LANCL1: variants seen among roughly 807,000 people sequenced by gnomAD.
The protein encoded by LANCL1 is glutathione S-transferase LANCL1.
A neutral mutation model predicts 50.6 loss-of-function variants in LANCL1; 50 were observed. That is an observed-to-expected ratio of 0.99 (90% CI 0.79 to 1.25). The LOEUF is 1.25. Ranked by LOEUF, LANCL1 falls within the 50% of genes most tolerant of loss-of-function variation. LANCL1 has a pLI of 0.00. For missense variants in LANCL1, 532 were observed against 480.7 expected, an observed-to-expected ratio of 1.11 and a Z score of -1.00; for synonymous variants, 188 against 178.6, an observed-to-expected ratio of 1.05 and a Z score of -0.42.
At chr2:210,462,990 A>T (rs1693913660) in intron 3 of LANCL1, among the ~76,000 whole-genome samples, 3 of 152,210 alleles carry the variant, frequency 2.0e-5, no homozygotes, top group Non-Finnish European at 2.9e-5. Context: ...TCACTTATAA[A>T]GTGTACAGAA....
intron 4 of LANCL1, among the ~76,000 whole-genome samples, chr2:210,451,758 T>C (rs1344231689): frequency 1.3e-5 from 2 of 152,032 alleles, no homozygotes; most frequent in Non-Finnish European, 2.9e-5. Context: ...CAGGCTTCCT[T>C]CTCCAGAACC....
rs182952711 is a variant in LANCL1 at position 210,442,859 on chromosome 2, C to T, written c.408-1416G>A. 4.8e-4 allele frequency among the ~76,000 whole-genome samples: 73 copies of T among 152,300 alleles called. No homozygotes were observed. In the South Asian group the frequency reaches 6.4e-3, roughly 13 times the overall value. On this transcript the variant is annotated intron_variant, in intron 4 of 9. Coordinates refer to ENST00000450366, the MANE Select transcript of LANCL1 (RefSeq NM_006055.3). ...TAATATCAGAGAGAATGGGTTAACC[C>T]TCCATTTTTCTTTATTTTCCTTTTC... is the stretch of plus-strand genomic sequence containing the variant.
At chr2:210,471,696 T>C in intron 3 of LANCL1, 1 of 656,518 alleles carries the variant, frequency 1.5e-6, no homozygotes, top group Admixed American at 2.0e-5. Context: ...TCAATTTTTC[T>C]CCTCACAAGT....
intron 3 of LANCL1, among the ~76,000 whole-genome samples, chr2:210,463,250 G>A (rs1321773979): frequency 6.6e-6 from 1 of 151,386 alleles, no homozygotes; most frequent in Non-Finnish European, 1.5e-5. Flanking sequence ...TCCCTTTGTT[G>A]CTCAGGCTGG....
Position 210,432,390 on chromosome 2 carries a change from G to C in LANCL1, c.*2097C>G, listed in dbSNP as rs1692775004. The C allele has an allele frequency of 2.6e-5, 4 of 152,250 alleles. No homozygotes were observed. The South Asian group carries it at 8.3e-4, about 32-fold the overall frequency. 9.4% of individuals were successfully genotyped at this position (152,250 alleles called of 1,614,324 possible). On this transcript the variant is annotated 3_prime_UTR_variant, in exon 10 of 10. Coordinates refer to ENST00000450366, the MANE Select transcript of LANCL1 (RefSeq NM_006055.3). ...TTTATGCTGGGGGTTGCAATTTTTT[G>C]TGTGAAAAATCAGACCTTGGCAATG...
rs1415590429 is a variant in LANCL1 at position 210,433,465 on chromosome 2, A to G, written c.*1022T>C. The G allele has an allele frequency of 6.6e-6, 1 of 152,088 alleles. No homozygotes were observed. Among genetic ancestry groups the G allele is most frequent in the African/African-American group, 2.4e-5 (1 of 41,320 alleles). The allele number at this position is 152,088 out of a possible 1,614,324, so 9.4% of individuals were successfully genotyped here. A position where few individuals can be genotyped will look rare whatever the true frequency, so the allele number is the denominator to read the frequency against. ...CCTTTCTCATCTCCCCTTTTTAAACAGAAGTAGAATACTGTACAATTTAGT... is the reference window on the plus strand; with the variant it reads ...CCTTTCTCATCTCCCCTTTTTAAACGGAAGTAGAATACTGTACAATTTAGT... On this transcript the variant is annotated 3_prime_UTR_variant, in exon 10 of 10. Transcript: ENST00000450366.
intron 6 of LANCL1, among the ~76,000 whole-genome samples, chr2:210,439,066 A>G (rs1341092606): frequency 6.6e-6 from 1 of 152,202 alleles, no homozygotes; most frequent in Non-Finnish European, 1.5e-5. Context: ...CATTTCATAC[A>G]AAGAATAGCA....
At chr2:210,441,908 AT>A (rs35332921) in intron 4 of LANCL1, among the ~76,000 whole-genome samples, 36,773 of 142,936 alleles carry the variant, frequency 0.26, 6,151 homozygotes, top group East Asian at 0.58. Context: ...ATACATGTAC[AT>A]TTTTTTTTTT....
At chr2:210,437,108 A>G (rs907583939) in intron 7 of LANCL1, among the ~76,000 whole-genome samples, 3 of 152,178 alleles carry the variant, frequency 2.0e-5, no homozygotes, top group Admixed American at 6.5e-5. Flanking sequence ...TCAACTAAAA[A>G]TCTGCGTTGA....
At chr2:210,462,949 C>T (rs538720238) in intron 3 of LANCL1, among the ~76,000 whole-genome samples, 34 of 152,166 alleles carry the variant, frequency 2.2e-4, no homozygotes, top group Non-Finnish European at 3.8e-4. Flanking sequence ...GTTCAAACTA[C>T]TCCATCTTAT....
chr2:210,453,155 T>G (rs3755185), intron 4 of LANCL1, among the ~76,000 whole-genome samples: 20,308 of 152,164 alleles, frequency 0.13, 1,718 homozygotes, highest in African/African-American at 0.22. Flanking sequence ...ATTTTTAACC[T>G]TAACAAGCCT....
In LANCL1 at chr2:210,476,320, C is replaced by T. The variant is rs1343090756; in HGVS notation, c.77G>A (p.Gly26Glu). ...SLAEGYFDAA[G>E]RLTPEFSQRL... Reference sequence around the variant, plus strand: ...GCAGACATATCCTAAACTCACCCTCCCGGCAGCATCAAAGTAGCCTTCGGC... The same window carrying T: ...GCAGACATATCCTAAACTCACCCTCTCGGCAGCATCAAAGTAGCCTTCGGC... Residue 26 changes from glycine (G) to glutamate (E), a missense_variant, in exon 2 of 10, where the codon GGG (glycine) becomes GAG (glutamate). Physicochemically the swap from Gly to Glu is moderately conservative, Grantham distance 98 (BLOSUM62 -2). Transcript: ENST00000450366. The T allele has an allele frequency of 6.2e-7, 1 of 1,612,876 alleles. No homozygotes were observed. Among genetic ancestry groups the T allele is most frequent in the Admixed American group, 1.7e-5 (1 of 60,020 alleles).
At chr2:210,443,257 A>AG (rs1186640535) in intron 4 of LANCL1, among the ~76,000 whole-genome samples, 2 of 151,924 alleles carry the variant, frequency 1.3e-5, no homozygotes, top group Non-Finnish European at 2.9e-5. Flanking sequence ...TTTTGGGGGG[A>AG]GGGGAGTGGG....
intron 3 of LANCL1, among the ~76,000 whole-genome samples, chr2:210,462,212 T>TA (rs1404957117): frequency 6.6e-6 from 1 of 152,220 alleles, no homozygotes; most frequent in East Asian, 1.9e-4. Flanking sequence ...CCAGGCTTGC[T>TA]ATTTTTCTGT....
chr2:210,446,385 C>T (rs1222528645), intron 4 of LANCL1, among the ~76,000 whole-genome samples: 2 of 152,052 alleles, frequency 1.3e-5, no homozygotes, highest in African/African-American at 4.8e-5. Flanking sequence ...TAGATAAATC[C>T]ACGAAGATGG....
chr2:210,472,180 T>C (rs1269467220), intron 2 of LANCL1, 104 bp from the exon 3 acceptor site: 2 of 745,646 alleles, frequency 2.7e-6, no homozygotes, highest in East Asian at 2.5e-5. Flanking sequence ...ACTTAGGACA[T>C]ATTTTTCCAC....
chr2:210,444,359 G>A (rs889016223), intron 4 of LANCL1, among the ~76,000 whole-genome samples: 2 of 152,140 alleles, frequency 1.3e-5, no homozygotes, highest in South Asian at 2.1e-4. Flanking sequence ...ACTTCCACAC[G>A]CTTGTGGTGA....
intron 3 of LANCL1, chr2:210,460,330 A>G (rs1366290049): frequency 6.6e-6 from 1 of 152,178 alleles, no homozygotes; most frequent in Non-Finnish European, 1.5e-5. Context: ...GAGGTGCTTA[A>G]CTAACACTCA....
chr2:210,437,958 G>C, intron 6 of LANCL1, 86 bp from the exon 7 acceptor site: 1 of 952,110 alleles, frequency 1.1e-6, no homozygotes, highest in Non-Finnish European at 1.5e-6. Flanking sequence ...AAAAAAGCAT[G>C]GCTAAGGGGA....
Sources: allele counts gnomAD v4.1 joint callset (sites outside exome capture counted in the v4.1 genomes callset), GRCh38; gene constraint gnomAD v4.1.1; transcripts MANE v1.5; gene names NCBI Gene and HGNC (gene_info 2026-07-23, HGNC 2026-07-21).